LRCH1: variants seen among roughly 807,000 people sequenced by gnomAD.
The protein encoded by LRCH1 is leucine-rich repeat and calponin homology domain-containing protein 1.
In LRCH1, 23 loss-of-function variants were observed where a neutral mutation model predicts 94.9. The observed-to-expected ratio is 0.24, with a 90% CI of 0.17 to 0.34. The LOEUF (loss-of-function observed/expected upper bound fraction) is 0.34, where lower values mean the gene tolerates loss of function less well. Ranked by LOEUF, LRCH1 falls within the 10% of genes least tolerant of loss-of-function variation. The pLI is 1.00. For missense variants in LRCH1, 790 were observed against 945.9 expected (o/e 0.84, Z 2.16); for synonymous variants, 364 against 354.9 (o/e 1.03, Z -0.29).
intron 2 of LRCH1, among the ~76,000 whole-genome samples, chr13:46,668,825 A>T (rs9534462): frequency 2.7e-3 from 241 of 90,574 alleles, no homozygotes; most frequent in East Asian, 7.7e-3. Flanking sequence ...TTTATTTTTT[A>T]TTTTTTTTTA....
intron 1 of LRCH1, among the ~76,000 whole-genome samples, chr13:46,603,340 G>C (rs575528526): frequency 9.2e-5 from 14 of 152,074 alleles, no homozygotes; most frequent in African/African-American, 3.4e-4. Context: ...ATCTCTGTCA[G>C]CCCCATTCTC....
chr13:46,722,926 G>T (rs1373079297), intron 16 of LRCH1, among the ~76,000 whole-genome samples: 1 of 152,220 alleles, frequency 6.6e-6, no homozygotes, highest in Non-Finnish European at 1.5e-5. Context: ...AGTGAAGTAG[G>T]ACATCTGTCA....
intron 1 of LRCH1, among the ~76,000 whole-genome samples, chr13:46,623,238 GATA>G (rs1293807121): frequency 6.6e-6 from 1 of 152,044 alleles, no homozygotes; most frequent in Non-Finnish European, 1.5e-5. Flanking sequence ...TTTATTGAAT[GATA>G]ATAATAATGC....
chr13:46,734,696 A>T (rs1258566767), intron 19 of LRCH1, among the ~76,000 whole-genome samples: 1 of 152,178 alleles, frequency 6.6e-6, no homozygotes, highest in Non-Finnish European at 1.5e-5. Context: ...ACATAAACTG[A>T]TTTCTTAGGC....
chr13:46,562,735 C>T (rs900112821), intron 1 of LRCH1, among the ~76,000 whole-genome samples: 4 of 152,164 alleles, frequency 2.6e-5, no homozygotes, highest in Non-Finnish European at 5.9e-5. Flanking sequence ...GTGAGGCTGC[C>T]CTCAATGCTG....
intron 2 of LRCH1, among the ~76,000 whole-genome samples, chr13:46,659,489 A>T (rs73193010): frequency 0.066 from 9,990 of 152,212 alleles, 430 homozygotes; most frequent in East Asian, 0.22. Context: ...CACTGCGCCC[A>T]GCCCAAATAC....
chr13:46,712,034 G>A (rs137994509), intron 14 of LRCH1, among the ~76,000 whole-genome samples, 190 bp downstream of exon 14: 74 of 152,240 alleles, frequency 4.9e-4, no homozygotes, highest in African/African-American at 1.7e-3. Flanking sequence ...TAATTTTTAT[G>A]AGATATATTT....
rs568349587 is a variant in LRCH1, at chr13:46,707,329, C to G, written c.1527+2025C>G. Reference sequence around the variant, plus strand: ...CCTTATCAGTTTGAACTTCTGCATTCTGATTTCGAATACTGCACAGGTGAT... The same window carrying G: ...CCTTATCAGTTTGAACTTCTGCATTGTGATTTCGAATACTGCACAGGTGAT... On this transcript the variant is annotated intron_variant, in intron 13 of 19. Transcript: ENST00000389797. 1.8e-4 allele frequency among the ~76,000 whole-genome samples: 28 copies of G among 152,294 alleles called. No individual in the cohort carries two copies. The South Asian group carries it at 4.8e-3, about 26-fold the overall frequency.
rs747319325 is a variant in LRCH1, at chr13:46,705,062, C to G, written c.1401-6C>G. Reference sequence around the variant, plus strand: ...TTTACTAATATCTTTTTTTCCTACTCTTTAGATTAAGCACAGATATTACAG... The same window carrying G: ...TTTACTAATATCTTTTTTTCCTACTGTTTAGATTAAGCACAGATATTACAG... On this transcript the variant is annotated splice_region_variant and splice_polypyrimidine_tract_variant and intron_variant, in intron 11 of 19. Transcript: ENST00000389797. 8.7e-6 allele frequency: 13 copies of G among 1,486,576 alleles called. No individual in the cohort carries two copies. The highest frequency in any genetic ancestry group is 1.1e-5 in the Non-Finnish European group (12 of 1,081,448). 92.1% of individuals were successfully genotyped at this position (1,486,576 alleles called of 1,614,324 possible). A position where few individuals can be genotyped will look rare whatever the true frequency, so the allele number is the denominator to read the frequency against.
intron 9 of LRCH1, among the ~76,000 whole-genome samples, chr13:46,695,704 C>T (rs1487363417): frequency 6.6e-6 from 1 of 152,216 alleles, no homozygotes; most frequent in Non-Finnish European, 1.5e-5. Context: ...TTCAGATTCA[C>T]TGTGGCTTCG....
chr13:46,699,847 C>T (rs1871374610), intron 10 of LRCH1, among the ~76,000 whole-genome samples: 1 of 152,230 alleles, frequency 6.6e-6, no homozygotes, highest in Non-Finnish European at 1.5e-5. Flanking sequence ...ATTTATTCAA[C>T]ATCATGTGCC....
intron 13 of LRCH1, among the ~76,000 whole-genome samples, chr13:46,711,585 G>A (rs1301622097): frequency 1.3e-5 from 2 of 152,172 alleles, no homozygotes; most frequent in Admixed American, 6.5e-5. Flanking sequence ...TACTTTAAAC[G>A]TATTTTTCTA....
At chr13:46,748,637 C>T (rs1874004305), downstream of LRCH1, among the ~76,000 whole-genome samples, 3 of 152,206 alleles carry the variant, frequency 2.0e-5, no homozygotes, top group Admixed American at 1.3e-4. Flanking sequence ...TGGCTCACAG[C>T]TCACAACTCA....
intron 1 of LRCH1, among the ~76,000 whole-genome samples, chr13:46,613,942 G>C (rs974226558): frequency 6.6e-6 from 1 of 151,632 alleles, no homozygotes; most frequent in Non-Finnish European, 1.5e-5. Flanking sequence ...GGTGAGCCAG[G>C]TTGCTTTTAA....
intron 1 of LRCH1, among the ~76,000 whole-genome samples, chr13:46,582,585 G>A (rs375789270): frequency 3.4e-5 from 5 of 145,072 alleles, no homozygotes; most frequent in African/African-American, 1.3e-4. Flanking sequence ...CCCGGGCTCA[G>A]GTGATCCTCC....
intron 9 of LRCH1, among the ~76,000 whole-genome samples, chr13:46,696,072 CCT>C (rs763492017): frequency 3.3e-5 from 5 of 152,240 alleles, no homozygotes; most frequent in Admixed American, 6.5e-5. Flanking sequence ...GTTTCTGTCC[CCT>C]GTCTCCATTG....
rs77030859 is a variant in LRCH1 at position 46,635,071 on chromosome 13, A to C, written c.308-15130A>C. 7.7e-3 allele frequency among the ~76,000 whole-genome samples: 1,176 copies of C among 152,308 alleles called. 15 individuals carry two copies. Among genetic ancestry groups the C allele is most frequent in the African/African-American group, 0.026 (1,101 of 41,556 alleles). The stretch of plus-strand genomic sequence containing the variant: ...TTATAGGCACAGGTAACAAGGTTGA[A>C]CACAACCAAGTGAACCCAGTGAATT... On this transcript the variant is annotated intron_variant, in intron 1 of 19. Transcript: ENST00000389797.
At chr13:46,590,172 A>G (rs1031219146) in intron 1 of LRCH1, among the ~76,000 whole-genome samples, 2 of 152,178 alleles carry the variant, frequency 1.3e-5, no homozygotes, top group Admixed American at 6.5e-5. Context: ...CCTCTGTGAT[A>G]TTGAGAAAGT....
At chr13:46,680,897 C>A (rs949320794) in intron 3 of LRCH1, among the ~76,000 whole-genome samples, 2 of 152,152 alleles carry the variant, frequency 1.3e-5, no homozygotes, top group African/African-American at 4.8e-5. Context: ...ATCATGATAG[C>A]ACCCAGCTAA....
Sources: gnomAD v4.1 joint callset for allele counts (sites outside exome capture counted in the v4.1 genomes callset) on GRCh38, gnomAD v4.1.1 for gene constraint, MANE v1.5 for transcripts, NCBI Gene and HGNC (gene_info 2026-07-23, HGNC 2026-07-21) for gene names.